The following VAMP7 variants were observed in gnomAD, a reference collection of about 807,000 sequenced individuals.
VAMP7 encodes vesicle associated membrane protein 7.
Under a neutral mutation model 29.6 loss-of-function variants are expected in VAMP7, and 14 were observed. The ratio of observed to expected loss-of-function variants is 0.47; its 90% confidence interval spans 0.31 to 0.74. The LOEUF (loss-of-function observed/expected upper bound fraction) is 0.74, where lower values mean the gene tolerates loss of function less well. Ranked by LOEUF, VAMP7 falls within the 30% of genes least tolerant of loss-of-function variation. VAMP7 has a pLI of 0.05. For missense variants in VAMP7, 223 were observed against 262.4 expected (o/e 0.85, Z 1.04); for synonymous variants, 95 against 88.1 (o/e 1.08, Z -0.44).
rs745382435 is a variant in VAMP7 at position 155,895,784 on chromosome X, G to C, written c.204+104G>C. On this transcript the variant is annotated intron_variant, in intron 3 of 7. Coordinates refer to ENST00000286448, the MANE Select transcript of VAMP7 (RefSeq NM_005638.6). ...GTCCCCAACCCCCAGGCTGCAGACC[G>C]GTACAGGTCTGTGGCTTGTTAGGAA... is the stretch of plus-strand genomic sequence containing the variant. 4 of 886,960 alleles carry C rather than the reference G, an allele frequency of 4.5e-6. No individual in the cohort carries two copies. In the African/African-American group the frequency reaches 5.0e-5, roughly 11 times the overall value. The allele number at this position is 886,960 out of a possible 1,614,324, so 54.9% of individuals were successfully genotyped here.
chrX:155,885,540 T>C (rs191898284), intron 1 of VAMP7, among the ~76,000 whole-genome samples: 1 of 152,288 alleles, frequency 6.6e-6, no homozygotes, highest in Admixed American at 6.5e-5. Flanking sequence ...CCGTGGTACC[T>C]GTGAATGGGA....
At chrX:155,931,294 T>C (rs2066550276) in intron 6 of VAMP7, among the ~76,000 whole-genome samples, 1 of 152,170 alleles carries the variant, frequency 6.6e-6, no homozygotes, top group Non-Finnish European at 1.5e-5. Flanking sequence ...ACACTGTCTT[T>C]CACAGTGGTT....
chrX:155,940,234 A>G (rs1239529931), intron 7 of VAMP7, among the ~76,000 whole-genome samples: 1 of 152,094 alleles, frequency 6.6e-6, no homozygotes, highest in African/African-American at 2.4e-5. Context: ...CTAAACCACA[A>G]CTTTAAAAAC....
intron 2 of VAMP7, among the ~76,000 whole-genome samples, chrX:155,895,060 C>G (rs1170652309): frequency 6.6e-6 from 1 of 152,174 alleles, no homozygotes; most frequent in Non-Finnish European, 1.5e-5. Flanking sequence ...CCCCAGAGCA[C>G]CATGTACTGC....
intron 6 of VAMP7, among the ~76,000 whole-genome samples, chrX:155,938,296 G>A (rs192150129): frequency 9.3e-4 from 141 of 152,242 alleles, no homozygotes; most frequent in African/African-American, 3.3e-3. Flanking sequence ...GATGTAATCA[G>A]TTTTGGTATG....
chrX:155,900,596 C>A lies in VAMP7; in HGVS notation c.433+9C>A. ...CATGGTCAGAAACATAGGTATGTTT[C>A]ATGGCATAGTTTCATGCATGTGGGC... On this transcript the variant is annotated intron_variant, in intron 5 of 7. Transcript: ENST00000286448. 1 of 1,597,944 alleles carries A rather than the reference C, an allele frequency of 6.3e-7. No individual in the cohort carries two copies. The highest frequency in any genetic ancestry group is 8.5e-7 in the Non-Finnish European group (1 of 1,171,318).
intron 5 of VAMP7, among the ~76,000 whole-genome samples, chrX:155,906,634 A>C (rs1346265631): frequency 6.6e-6 from 1 of 152,142 alleles, no homozygotes; most frequent in Non-Finnish European, 1.5e-5. Context: ...TAATGTATAG[A>C]AATTTTATTG....
chrX:155,882,516 T>C (rs774175751), intron 1 of VAMP7, among the ~76,000 whole-genome samples: 1 of 152,268 alleles, frequency 6.6e-6, no homozygotes, highest in South Asian at 2.1e-4. Flanking sequence ...CACCTCTTCT[T>C]TTCCCCTGTC....
chrX:155,929,248 A>G (rs909663166), intron 6 of VAMP7, among the ~76,000 whole-genome samples: 1 of 152,220 alleles, frequency 6.6e-6, no homozygotes, highest in African/African-American at 2.4e-5. Context: ...CTCTGAATAT[A>G]TGTTCTAATT....
intron 1 of VAMP7, among the ~76,000 whole-genome samples, chrX:155,884,622 T>C (rs1272366915): frequency 6.6e-6 from 1 of 152,252 alleles, no homozygotes; most frequent in Non-Finnish European, 1.5e-5. Context: ...ATTGTTATTT[T>C]AGGTGATTTA....
chrX:155,885,963 G>A (rs186870238), intron 1 of VAMP7, among the ~76,000 whole-genome samples: 1 of 152,192 alleles, frequency 6.6e-6, no homozygotes, highest in Non-Finnish European at 1.5e-5. Context: ...AACTAATACA[G>A]GATTCTTAGC....
chrX:155,919,535 A>G (rs1207191191), intron 5 of VAMP7, among the ~76,000 whole-genome samples: 1 of 152,140 alleles, frequency 6.6e-6, no homozygotes, highest in Non-Finnish European at 1.5e-5. Flanking sequence ...TGTAGTCTGT[A>G]TAATTTCTTC....
chrX:155,902,454 A>C (rs1400768768), intron 5 of VAMP7, among the ~76,000 whole-genome samples: 17 of 149,072 alleles, frequency 1.1e-4, no homozygotes, highest in Non-Finnish European at 4.5e-5. Flanking sequence ...GCCAGTTTTC[A>C]AAGGGAATGC....
Position 155,941,980 on chromosome X carries a change from T to C in VAMP7, c.*29T>C, listed in dbSNP as rs1288547370. The C allele has an allele frequency of 6.2e-7, 1 of 1,613,772 alleles. No individual in the cohort carries two copies. The highest frequency in any genetic ancestry group is 1.7e-5 in the Admixed American group (1 of 59,928). The stretch of plus-strand genomic sequence containing the variant: ...AGAAGAAGTTACCATTAACCAAGGA[T>C]ATGAGAGAACAAGGAGTTAAAAGCA... On this transcript the variant is annotated 3_prime_UTR_variant, in exon 8 of 8. Coordinates refer to ENST00000286448, the MANE Select transcript of VAMP7 (RefSeq NM_005638.6).
At chrX:155,935,645 A>G (rs1437206619) in intron 6 of VAMP7, among the ~76,000 whole-genome samples, 3 of 152,054 alleles carry the variant, frequency 2.0e-5, no homozygotes, top group East Asian at 1.9e-4. Context: ...GCTGGGTTCA[A>G]ACTTCCTCCT....
At chrX:155,905,017 A>G (rs1443239438) in intron 5 of VAMP7, among the ~76,000 whole-genome samples, 1 of 151,602 alleles carries the variant, frequency 6.6e-6, no homozygotes, top group African/African-American at 2.4e-5. Context: ...ACTTTCCTAA[A>G]GTGACTGCAC....
chrX:155,914,608 T>G (rs2066284423), intron 5 of VAMP7, among the ~76,000 whole-genome samples: 1 of 152,224 alleles, frequency 6.6e-6, no homozygotes, highest in Non-Finnish European at 1.5e-5. Context: ...TTTCTGCATC[T>G]ATTGAGATAA....
intron 5 of VAMP7, among the ~76,000 whole-genome samples, chrX:155,906,405 G>C (rs2066148093): frequency 2.0e-5 from 3 of 152,212 alleles, no homozygotes; most frequent in South Asian, 2.1e-4. Context: ...CACTGGTCTT[G>C]GTTGTGTTAG....
chrX:155,935,133 A>AT (rs1382223259), intron 6 of VAMP7, among the ~76,000 whole-genome samples: 1 of 150,568 alleles, frequency 6.6e-6, no homozygotes, highest in East Asian at 2.0e-4. Flanking sequence ...TGCCCTTAAC[A>AT]TTTTTTCCTT....
Sources: allele counts gnomAD v4.1 joint callset (sites outside exome capture counted in the v4.1 genomes callset), GRCh38; gene constraint gnomAD v4.1.1; transcripts MANE v1.5; gene names NCBI Gene and HGNC (gene_info 2026-07-23, HGNC 2026-07-21).